Variants in PHF8 observed in about 807,000 individuals in gnomAD.
PHF8 encodes the protein PHD finger protein 8.
A neutral mutation model predicts 74.4 loss-of-function variants in PHF8; 9 were observed. That is an observed-to-expected ratio of 0.12 (90% CI 0.07 to 0.21). The LOEUF is 0.21. Ranked by LOEUF, PHF8 falls within the 10% of genes least tolerant of loss-of-function variation. PHF8 has a pLI of 1.00. For synonymous variants in PHF8, 311 were observed against 316.6 expected (o/e 0.98, Z 0.19); for missense variants, 478 against 816.6 (o/e 0.59, Z 5.05).
intron 19 of PHF8, among the ~76,000 whole-genome samples, chrX:53,952,283 CAAAA>C (rs782483897): frequency 1.5e-5 from 1 of 65,581 alleles, no homozygotes. Context: ...GACTCTGTCT[CAAAA>C]AAAAAAAAAA....
At chrX:54,039,167 A>T (rs1557115219) in intron 2 of PHF8, among the ~76,000 whole-genome samples, 1 of 109,136 alleles carries the variant, frequency 9.2e-6, no homozygotes, top group East Asian at 2.8e-4. Flanking sequence ...GTCACTAGAG[A>T]TATGAACAGA....
intron 2 of PHF8, among the ~76,000 whole-genome samples, chrX:54,030,726 C>T (rs1293444358): frequency 5.4e-5 from 6 of 112,078 alleles, no homozygotes; most frequent in Non-Finnish European, 9.4e-5. Flanking sequence ...CAGGGCCTTC[C>T]GTACAACATT....
chrX:53,967,957 T>C (rs1283608406), intron 18 of PHF8, among the ~76,000 whole-genome samples: 1 of 107,031 alleles, frequency 9.3e-6, no homozygotes, highest in Admixed American at 9.7e-5. Context: ...TAATCTCAAG[T>C]ACCCAGGGAC....
At chrX:53,986,821 G>C (rs1895762998) in intron 16 of PHF8, among the ~76,000 whole-genome samples, 1 of 110,634 alleles carries the variant, frequency 9.0e-6, no homozygotes, top group African/African-American at 3.3e-5. Context: ...TGAGCCTGTG[G>C]TCCCAGCTAC....
At chrX:53,994,545 T>C (rs1557102303) in intron 12 of PHF8, among the ~76,000 whole-genome samples, 1 of 112,770 alleles carries the variant, frequency 8.9e-6, no homozygotes, top group African/African-American at 3.2e-5. Context: ...TTCCATTGCT[T>C]TAAAACATTT....
intron 19 of PHF8, chrX:53,944,522 C>T: frequency 3.3e-6 from 1 of 305,779 alleles, no homozygotes; most frequent in Non-Finnish European, 5.8e-6. Flanking sequence ...AATCCCATTG[C>T]TCTGGGAGGG....
intron 8 of PHF8, among the ~76,000 whole-genome samples, chrX:54,010,648 A>G (rs1005859116): frequency 3.6e-5 from 4 of 111,447 alleles, no homozygotes; most frequent in Non-Finnish European, 7.5e-5. Flanking sequence ...TAAAGATGTC[A>G]ACTCTCCCCA....
At chrX:53,971,975 C>A (rs2065299231) in intron 18 of PHF8, among the ~76,000 whole-genome samples, 1 of 111,503 alleles carries the variant, frequency 9.0e-6, no homozygotes, top group Non-Finnish European at 1.9e-5. Context: ...CTCCCTAACT[C>A]ATTTTATGAG....
intron 7 of PHF8, among the ~76,000 whole-genome samples, chrX:54,011,750 C>T (rs2065984533): frequency 9.2e-6 from 1 of 108,683 alleles, no homozygotes; most frequent in Non-Finnish European, 1.9e-5. Flanking sequence ...TTTAAAAGTT[C>T]AGTAATCGCC....
rs782756004 is a variant in PHF8 at position 53,999,897 on chromosome X, C to T, written c.1206G>A (p.Leu402=). 1 of 1,200,999 alleles carries T rather than the reference C, an allele frequency of 8.3e-7. No homozygotes were observed. Among genetic ancestry groups the T allele is most frequent in the Non-Finnish European group, 1.1e-6 (1 of 886,049 alleles). Residue 402 remains leucine, a synonymous_variant, in exon 11 of 22, where the codon TTG becomes TTA. Coordinates refer to ENST00000338154, the MANE Select transcript of PHF8 (RefSeq NM_015107.3). ...YLVHGGKALN[L]AFRAWTRKEA... ...CTTTCCTTGTCCAGGCTCTAAAGGC[C>T]AAGTTCAAGGCTTTGCCACCATGGA...
At chrX:54,002,454 A>T in intron 9 of PHF8, 141 bp downstream of exon 9, 1 of 550,471 alleles carries the variant, frequency 1.8e-6, no homozygotes, top group Non-Finnish European at 3.2e-6. Flanking sequence ...CTAAGTGCAG[A>T]AAAGGTGTTA....
intron 19 of PHF8, among the ~76,000 whole-genome samples, chrX:53,945,082 A>G (rs1041698952): frequency 9.1e-6 from 1 of 109,784 alleles, no homozygotes. Context: ...ACGGTGGCTC[A>G]CACCTGTAAT....
At chrX:54,027,755 G>A (rs945707462) in intron 2 of PHF8, among the ~76,000 whole-genome samples, 12 of 110,903 alleles carry the variant, frequency 1.1e-4, no homozygotes, top group Non-Finnish European at 1.9e-4. Flanking sequence ...ATGAGCATCC[G>A]CCAGGCTCTG....
At chrX:53,992,216 T>C (rs1460734274) in intron 14 of PHF8, among the ~76,000 whole-genome samples, 2 of 112,238 alleles carry the variant, frequency 1.8e-5, no homozygotes, top group African/African-American at 6.5e-5. Flanking sequence ...TCATTCTTTT[T>C]AACAGCTACA....
At chrX:53,947,800 G>A (rs1271275382) in intron 19 of PHF8, among the ~76,000 whole-genome samples, 3 of 112,345 alleles carry the variant, frequency 2.7e-5, no homozygotes, top group Admixed American at 9.4e-5. Context: ...AATCTGAACC[G>A]CCATGTAAAA....
chrX:54,029,332 AT>A (rs2066317556), intron 2 of PHF8, among the ~76,000 whole-genome samples: 1 of 111,143 alleles, frequency 9.0e-6, no homozygotes, highest in Non-Finnish European at 1.9e-5. Context: ...CAGGGTCCCT[AT>A]TTTTCCTAAG....
At chrX:54,034,612 C>T (rs1345731528) in intron 2 of PHF8, among the ~76,000 whole-genome samples, 2 of 110,099 alleles carry the variant, frequency 1.8e-5, no homozygotes, top group African/African-American at 6.6e-5. Context: ...CATTTGAGGT[C>T]AGGAGTTCAA....
intron 2 of PHF8, among the ~76,000 whole-genome samples, chrX:54,037,691 A>T (rs1557114790): frequency 8.9e-6 from 1 of 112,601 alleles, no homozygotes; most frequent in Non-Finnish European, 1.9e-5. Context: ...ATTCTCGGAA[A>T]GTACACATCC....
At chrX:54,020,777 T>G (rs949172559) in intron 4 of PHF8, among the ~76,000 whole-genome samples, 16 of 103,304 alleles carry the variant, frequency 1.5e-4, no homozygotes, top group Admixed American at 7.3e-4. Flanking sequence ...TGAAAAGAAG[T>G]AAAAAAAAAA....
Sources: gnomAD v4.1 joint callset for allele counts (sites outside exome capture counted in the v4.1 genomes callset) on GRCh38, gnomAD v4.1.1 for gene constraint, MANE v1.5 for transcripts, NCBI Gene and HGNC (gene_info 2026-07-23, HGNC 2026-07-21) for gene names.